Variants in ANLN observed in about 807,000 individuals in gnomAD.
ANLN encodes the protein anillin, actin binding protein, also known as anillin.
A neutral mutation model predicts 135.1 loss-of-function variants in ANLN; 59 were observed. The ratio of observed to expected loss-of-function variants is 0.44; its 90% CI spans 0.35 to 0.54. The LOEUF is 0.54. ANLN is among the 20% of genes least tolerant of loss of function. ANLN has a pLI of 0.00. For synonymous variants in ANLN, 406 were observed against 456.4 expected (o/e 0.89, Z 1.41); for missense variants, 1,182 against 1,340.0 (o/e 0.88, Z 1.84).
rs764615855 is a variant in ANLN at position 36,421,847 on chromosome 7, G to A, written c.2164-10G>A. 3 of 1,588,300 alleles carry A rather than the reference G, an allele frequency of 1.9e-6. No individual in the cohort carries two copies. Among genetic ancestry groups the A allele is most frequent in the East Asian group, 4.5e-5 (2 of 44,050 alleles). ...GTGTATATTTTTTCTCCTCTCATTG[G>A]TTTTCCTAGGAACTCAATAACGAAA... On this transcript the variant is annotated splice_polypyrimidine_tract_variant and intron_variant, in intron 12 of 23. Coordinates refer to ENST00000265748, the MANE Select transcript of ANLN (RefSeq NM_018685.5).
At chr7:36,397,744 C>A (rs1392885270) in intron 2 of ANLN, among the ~76,000 whole-genome samples, 3 of 152,218 alleles carry the variant, frequency 2.0e-5, no homozygotes, top group Admixed American at 2.0e-4. Context: ...AAAACCCTGT[C>A]TCTACAAAAA....
chr7:36,390,219 C>G, intron 1 of ANLN, 175 bp downstream of exon 1: 1 of 1,006,318 alleles, frequency 9.9e-7, no homozygotes, highest in South Asian at 1.5e-5. Flanking sequence ...TTGGTGGGTT[C>G]CTCTGAGATT....
At chr7:36,396,693 GA>G (rs1206614622) in intron 2 of ANLN, among the ~76,000 whole-genome samples, 10 of 152,220 alleles carry the variant, frequency 6.6e-5, no homozygotes, top group Non-Finnish European at 1.3e-4. Flanking sequence ...AACCTCAAGG[GA>G]AGAAAAATAA....
intron 8 of ANLN, 114 bp downstream of exon 8, chr7:36,415,998 G>C (rs1160161958): frequency 2.2e-6 from 2 of 890,466 alleles, no homozygotes; most frequent in African/African-American, 3.4e-5. Context: ...TTTTTTGGGG[G>C]GAATCTTTAG....
rs1789162494 is a variant in ANLN, at chr7:36,449,645, CT to C, written c.3079-19del. 6.3e-7 allele frequency: 1 copy of C among 1,584,906 alleles called. No homozygotes were observed. The highest frequency in any genetic ancestry group is 1.1e-5 in the South Asian group (1 of 87,494). ...AAATAGTCTTATTTTCTACTAATTT[CT>C]CTTAATTTGTTTTTAAAGAATCCCA... is the stretch of plus-strand genomic sequence containing the variant. On this transcript the variant is annotated intron_variant, in intron 22 of 23. Coordinates refer to ENST00000265748, the MANE Select transcript of ANLN (RefSeq NM_018685.5).
intron 21 of ANLN, 138 bp from the exon 22 acceptor site, chr7:36,443,617 C>A: frequency 1.7e-6 from 1 of 575,350 alleles, no homozygotes; most frequent in South Asian, 2.5e-5. Flanking sequence ...AGATAAAAGA[C>A]ATGATAAAAA....
At chr7:36,429,799 CTT>C (rs1000317108) in intron 20 of ANLN, among the ~76,000 whole-genome samples, 6 of 152,016 alleles carry the variant, frequency 3.9e-5, no homozygotes, top group Admixed American at 1.3e-4. Context: ...CTTTTAAAAA[CTT>C]TTTTTGGCTG....
rs761179663 is a variant in ANLN, at chr7:36,453,256, A to G, written c.*656A>G. ...CATGGTTTACATTTACTCAGCTACTATATATGCAGTGTGGTGCACATTTTC... is the reference window on the plus strand; with the variant it reads ...CATGGTTTACATTTACTCAGCTACTGTATATGCAGTGTGGTGCACATTTTC... On this transcript the variant is annotated 3_prime_UTR_variant, in exon 24 of 24. Transcript: ENST00000265748. 6.6e-6 allele frequency: 1 copy of G among 152,248 alleles called. No homozygotes were observed. Among genetic ancestry groups the G allele is most frequent in the African/African-American group, 2.4e-5 (1 of 41,462 alleles). The allele number at this position is 152,248 out of a possible 1,614,324, so 9.4% of individuals were successfully genotyped here.
chr7:36,390,953 G>A (rs1786426908), intron 1 of ANLN, among the ~76,000 whole-genome samples: 1 of 152,206 alleles, frequency 6.6e-6, no homozygotes, highest in Non-Finnish European at 1.5e-5. Context: ...GTGTTGCAAA[G>A]TGGACCTAAA....
chr7:36,443,985 A>G, intron 22 of ANLN, 123 bp downstream of exon 22: 1 of 626,126 alleles, frequency 1.6e-6, no homozygotes, highest in Non-Finnish European at 2.6e-6. Flanking sequence ...TGTACTCACT[A>G]AGCCATTAAA....
chr7:36,416,100 A>C (rs1173300404), intron 8 of ANLN, among the ~76,000 whole-genome samples: 1 of 152,078 alleles, frequency 6.6e-6, no homozygotes, highest in African/African-American at 2.4e-5. Flanking sequence ...GGCTCACTGC[A>C]ACCCTCACCT....
chr7:36,403,968 T>C (rs1177619808), intron 3 of ANLN, among the ~76,000 whole-genome samples: 8 of 150,220 alleles, frequency 5.3e-5, no homozygotes, highest in African/African-American at 2.0e-4. Flanking sequence ...TGCCGGGATG[T>C]TTGTTTGTTT....
chr7:36,447,417 C>CTTTTTTTTTTTTTTTTT, intron 22 of ANLN, among the ~76,000 whole-genome samples: 1 of 105,870 alleles, frequency 9.4e-6, no homozygotes, highest in Non-Finnish European at 1.8e-5. Context: ...AGCAGTTGAT[C>CTTTTTTTTTTTTTTTTT]TTTTTTTTTT....
At chr7:36,424,032 C>G in intron 15 of ANLN, 89 bp downstream of exon 15, 2 of 1,309,998 alleles carry the variant, frequency 1.5e-6, no homozygotes, top group Non-Finnish European at 2.1e-6. Flanking sequence ...CATTTATAAT[C>G]TTTGAAACGC....
At chr7:36,440,123 T>A (rs934211423) in intron 21 of ANLN, among the ~76,000 whole-genome samples, 1 of 152,142 alleles carries the variant, frequency 6.6e-6, no homozygotes, top group African/African-American at 2.4e-5. Context: ...AAGTTCTGGG[T>A]TTGGAGCTCA....
chr7:36,423,721 G>T, intron 14 of ANLN, 96 bp from the exon 15 acceptor site: 1 of 1,180,764 alleles, frequency 8.5e-7, no homozygotes, highest in Non-Finnish European at 1.1e-6. Flanking sequence ...ATATAAATCA[G>T]TTCAATATTC....
chr7:36,427,121 G>T, intron 20 of ANLN, 93 bp downstream of exon 20: 1 of 719,842 alleles, frequency 1.4e-6, no homozygotes, highest in South Asian at 2.2e-5. Flanking sequence ...TTAGGTATTT[G>T]AAATCTTCGA....
chr7:36,423,785 T>C, intron 14 of ANLN, 32 bp from the exon 15 acceptor site: 1 of 1,582,990 alleles, frequency 6.3e-7, no homozygotes, highest in East Asian at 2.3e-5. Flanking sequence ...ATTTTGCTTG[T>C]GCTTACTATG....
In ANLN at chr7:36,399,337, C is replaced by T. The variant is rs1032783034; in HGVS notation, c.431C>T (p.Thr144Ile). The T allele has an allele frequency of 1.2e-6, 2 of 1,613,598 alleles. No individual in the cohort carries two copies. Among genetic ancestry groups the T allele is most frequent in the African/African-American group, 2.7e-5 (2 of 74,868 alleles). ...GCAACTGCAGCCTCCTCAGTTAAAA[C>T]ACGTATGCAAAAACTTGCAGAGCAA... is the stretch of plus-strand genomic sequence containing the variant. ...LEATAASSVK[T>I]RMQKLAEQRR... The change falls in exon 3 of 24, where the codon ACA (threonine) becomes ATA (isoleucine). Residue 144 changes from threonine (T) to isoleucine (I), a missense_variant. By Grantham distance (89) the Thr-to-Ile change is moderately conservative. Coordinates refer to ENST00000265748, the MANE Select transcript of ANLN (RefSeq NM_018685.5).
Sources: gnomAD v4.1 joint callset for allele counts (sites outside exome capture counted in the v4.1 genomes callset) on GRCh38, gnomAD v4.1.1 for gene constraint, MANE v1.5 for transcripts, NCBI Gene and HGNC (gene_info 2026-07-23, HGNC 2026-07-21) for gene names.